NUP210L: variants seen among roughly 807,000 people sequenced by gnomAD.
The protein encoded by NUP210L is nuclear pore membrane glycoprotein 210-like.
Under a neutral mutation model 208.5 loss-of-function variants are expected in NUP210L, and 74 were observed. The observed-to-expected ratio is 0.35, with a 90% CI of 0.29 to 0.43. The LOEUF (loss-of-function observed/expected upper bound fraction) is 0.43. Among genes scored for constraint, NUP210L ranks in the 20% least tolerant of loss-of-function variants. The probability of loss-of-function intolerance (pLI) is 1.00; values close to 1 mark genes in which losing one functional copy is unlikely to be tolerated. For synonymous variants in NUP210L, 780 were observed against 816.9 expected (o/e 0.95, Z 0.77); for missense variants, 1,843 against 2,289.4 (o/e 0.81, Z 3.98).
chr1:154,099,580 C>T (rs1159441153), intron 14 of NUP210L, among the ~76,000 whole-genome samples: 2 of 152,138 alleles, frequency 1.3e-5, no homozygotes, highest in Admixed American at 6.6e-5. Context: ...TGACTTCCTT[C>T]CATAGGACAG....
intron 28 of NUP210L, among the ~76,000 whole-genome samples, chr1:154,028,862 A>G (rs1226662115): frequency 6.6e-6 from 1 of 152,074 alleles, no homozygotes; most frequent in Non-Finnish European, 1.5e-5. Context: ...TGGGAGGCCA[A>G]GGCGGGTGGA....
chr1:154,107,096 A>G (rs946758029), intron 12 of NUP210L, among the ~76,000 whole-genome samples: 1 of 152,204 alleles, frequency 6.6e-6, no homozygotes, highest in Non-Finnish European at 1.5e-5. Context: ...GCTGTTTTGC[A>G]TAAGTTCAAT....
chr1:154,025,844 G>T, intron 29 of NUP210L, 128 bp from the exon 30 acceptor site: 1 of 664,918 alleles, frequency 1.5e-6, no homozygotes, highest in South Asian at 2.4e-5. Context: ...CTCCACGTGT[G>T]TAATTATTTG....
rs191060028 is a variant in NUP210L at position 154,023,050 on chromosome 1, C to T, written c.4298+72G>A. On this transcript the variant is annotated intron_variant, in intron 31 of 39. Coordinates refer to ENST00000368559, the Ensembl canonical transcript of NUP210L. ...AGAATGTGAGAGGAATTTACTGGAG[C>T]TGCTATATAATACTAGCCTAATATG... The T allele has an allele frequency of 4.5e-6, 6 of 1,331,164 alleles. 1 individual carries two copies. In the East Asian group the frequency reaches 7.5e-5, roughly 17 times the overall value. 82.5% of individuals were successfully genotyped at this position (1,331,164 alleles called of 1,614,324 possible).
intron 16 of NUP210L, among the ~76,000 whole-genome samples, chr1:154,084,718 C>T (rs1313597196): frequency 6.6e-6 from 1 of 151,416 alleles, no homozygotes; most frequent in Non-Finnish European, 1.5e-5. Flanking sequence ...AGTGATCCAC[C>T]TGCCTTGGCC....
chr1:154,006,966 A>ATATATATTT (rs1211789619), intron 35 of NUP210L, among the ~76,000 whole-genome samples: 3 of 115,786 alleles, frequency 2.6e-5, no homozygotes, highest in African/African-American at 9.9e-5. Flanking sequence ...ATATATATAT[A>ATATATATTT]TTTTTTTTTT....
At chr1:154,133,260 C>A (rs1448256770) in intron 7 of NUP210L, among the ~76,000 whole-genome samples, 1 of 152,126 alleles carries the variant, frequency 6.6e-6, no homozygotes, top group Admixed American at 6.6e-5. Flanking sequence ...ACTTTTCTAA[C>A]TATGCTAGGT....
chr1:154,087,296 G>C (rs1015456928), intron 16 of NUP210L, among the ~76,000 whole-genome samples: 1 of 147,642 alleles, frequency 6.8e-6, no homozygotes, highest in Admixed American at 6.8e-5. Context: ...CTCCAGCCTG[G>C]GCGAAAAGAA....
chr1:154,107,413 G>A (rs1048919895), intron 12 of NUP210L, among the ~76,000 whole-genome samples: 81 of 150,888 alleles, frequency 5.4e-4, no homozygotes, highest in Non-Finnish European at 1.1e-3. Context: ...GGCAGAGCTT[G>A]CAGTGAGCTG....
intron 17 of NUP210L, among the ~76,000 whole-genome samples, chr1:154,065,162 G>A (rs1308991119): frequency 5.9e-5 from 9 of 151,668 alleles, no homozygotes; most frequent in African/African-American, 2.2e-4. Flanking sequence ...GCTCATGCCT[G>A]TAATCCCAGC....
At chr1:154,015,899 C>G (rs1651212662) in intron 33 of NUP210L, among the ~76,000 whole-genome samples, 1 of 144,636 alleles carries the variant, frequency 6.9e-6, no homozygotes, top group African/African-American at 2.6e-5. Flanking sequence ...ACAGCAAGAC[C>G]CTGTCTCAAT....
At chr1:154,110,002 G>A (rs1656961796) in intron 12 of NUP210L, among the ~76,000 whole-genome samples, 1 of 151,176 alleles carries the variant, frequency 6.6e-6, no homozygotes, top group African/African-American at 2.5e-5. Context: ...GGGAGGCTGA[G>A]GCAGGTGGAT....
intron 12 of NUP210L, 74 bp from the exon 13 acceptor site, chr1:154,104,284 C>T: frequency 8.9e-7 from 1 of 1,122,302 alleles, no homozygotes; most frequent in African/African-American, 1.5e-5. Flanking sequence ...AGCAAGATGG[C>T]CAAATAGAAC....
At chr1:154,100,203 A>C (rs1656388631) in intron 13 of NUP210L, 60 bp from the exon 14 acceptor site, 2 of 1,535,924 alleles carry the variant, frequency 1.3e-6, no homozygotes, top group Non-Finnish European at 1.8e-6. Flanking sequence ...TAATCCCAGC[A>C]CTTTGGGAGG....
At chr1:154,108,716 A>T (rs1248776695) in intron 12 of NUP210L, among the ~76,000 whole-genome samples, 1 of 151,778 alleles carries the variant, frequency 6.6e-6, no homozygotes, top group Non-Finnish European at 1.5e-5. Flanking sequence ...CAAATTAAAA[A>T]TGGCAGGAGT....
chr1:154,117,962 A>G (rs1158691003), intron 11 of NUP210L, 82 bp from the exon 12 acceptor site: 3 of 941,166 alleles, frequency 3.2e-6, no homozygotes, highest in South Asian at 3.1e-5. Context: ...CTGGTGAAAT[A>G]AAGTTTACAA....
intron 16 of NUP210L, among the ~76,000 whole-genome samples, chr1:154,074,621 T>C (rs1654942700): frequency 6.6e-6 from 1 of 151,390 alleles, no homozygotes; most frequent in African/African-American, 2.4e-5. Context: ...CCCTAGTAGC[T>C]GGGACTACAG....
At chr1:154,027,730 CTTCT>C in intron 28 of NUP210L, 133 bp from the exon 29 acceptor site, 2 of 591,312 alleles carry the variant, frequency 3.4e-6, no homozygotes, top group Non-Finnish European at 5.9e-6. Flanking sequence ...GTCTGCCTAA[CTTCT>C]AATTAGTCTA....
intron 23 of NUP210L, among the ~76,000 whole-genome samples, chr1:154,055,097 CTCTTTCTTTTCTTTCTCTT>C (rs1653742813): frequency 6.8e-6 from 1 of 146,582 alleles, no homozygotes; most frequent in South Asian, 2.3e-4. Flanking sequence ...TCCTTTCCTT[CTCTTTCTTTTCTTTCTCTT>C]TCTTTCTTTT....
Sources: gnomAD v4.1 joint callset for allele counts (sites outside exome capture counted in the v4.1 genomes callset) on GRCh38, gnomAD v4.1.1 for gene constraint, MANE v1.5 for transcripts, NCBI Gene and HGNC (gene_info 2026-07-23, HGNC 2026-07-21) for gene names.